Variants in EMG1 observed in about 807,000 individuals in gnomAD.
The protein encoded by EMG1 is EMG1 N1-specific pseudouridine methyltransferase.
Under a neutral mutation model 26.9 loss-of-function variants are expected in EMG1, and 24 were observed. That is an observed-to-expected ratio of 0.89 (90% CI 0.65 to 1.26). EMG1 has a LOEUF of 1.26. EMG1 is among the 50% of genes most tolerant of loss of function. The pLI is 0.00. For synonymous variants in EMG1, 140 were observed against 112.6 expected, an observed-to-expected ratio of 1.24 and a Z score of -1.54; for missense variants, 299 against 307.6, an observed-to-expected ratio of 0.97 and a Z score of 0.21.
Position 6,972,507 on chromosome 12 carries a change from A to G in EMG1, c.168+1416A>G, listed in dbSNP as rs77048088. 9.4e-3 allele frequency among the ~76,000 whole-genome samples: 1,427 copies of G among 152,256 alleles called. 17 individuals are homozygous for G. Among genetic ancestry groups the G allele is most frequent in the African/African-American group, 0.033 (1,356 of 41,508 alleles). On this transcript the variant is annotated intron_variant, in intron 1 of 5. Transcript: ENST00000599672. ...AACCTTCCAAAACTTGTATTTGTAT[A>G]TAACAGTTTGTTTTTAGACTTTTTA...
At chr12:6,982,711 T>C (rs150951513), downstream of EMG1, 111 of 1,614,006 alleles carry the variant, frequency 6.9e-5, no homozygotes, top group East Asian at 6.7e-4. Flanking sequence ...ACGGCAGTGA[T>C]GGTGCGGCCC....
At chr12:6,993,526 T>C (rs782115501) in intron 7 of EMG1, among the ~76,000 whole-genome samples, 3 of 152,204 alleles carry the variant, frequency 2.0e-5, no homozygotes, top group Non-Finnish European at 4.4e-5. Flanking sequence ...CCATACATGT[T>C]GGCAGTCATT....
intron 7 of EMG1, chr12:6,997,094 G>A (rs1362616224): frequency 6.6e-6 from 1 of 152,174 alleles, no homozygotes; most frequent in East Asian, 1.9e-4. Context: ...TGGTCTTCAG[G>A]TCTTCAAACC....
chr12:6,982,966 A>G (rs782044203), downstream of EMG1: 86 of 669,800 alleles, frequency 1.3e-4, no homozygotes, highest in African/African-American at 1.5e-3. Context: ...TTAGGGTGTT[A>G]TTTTATTTCT....
In EMG1 at chr12:6,979,509, G is replaced by A. The variant is rs1555153788; in HGVS notation, c.*3700G>A. On this transcript the variant is annotated 3_prime_UTR_variant, in exon 6 of 6. Transcript: ENST00000599672. ...GTGAGGAGATAGTCTTCTGTGATGT[G>A]GGGGCTGAGCAGTGTGTAGCCCACT... is the stretch of plus-strand genomic sequence containing the variant. The A allele has an allele frequency of 6.2e-7, 1 of 1,613,936 alleles. No homozygotes were observed. The highest frequency in any genetic ancestry group is 8.5e-7 in the Non-Finnish European group (1 of 1,179,812).
intron 4 of EMG1, 25 bp from the exon 5 acceptor site, chr12:6,975,204 G>C (rs1207705908): frequency 6.2e-7 from 1 of 1,613,870 alleles, no homozygotes; most frequent in Non-Finnish European, 8.5e-7. Flanking sequence ...TTCTGGGGCT[G>C]ACTTTTCTCT....
chr12:6,978,917 A>T lies in EMG1; in HGVS notation c.*3108A>T. ...TCCCTTGGAGAGCCTCAAGGGCAGC[A>T]CTGTATTTAACTTCTCTACTGTTTG... On this transcript the variant is annotated 3_prime_UTR_variant, in exon 6 of 6. Transcript: ENST00000599672. 1 of 552,842 alleles carries T rather than the reference A, an allele frequency of 1.8e-6. No individual in the cohort carries two copies. The highest frequency in any genetic ancestry group is 3.1e-6 in the Non-Finnish European group (1 of 319,320). The allele number at this position is 552,842 out of a possible 1,614,324, so 34.2% of individuals were successfully genotyped here.
chr12:6,970,964 G>T lies in EMG1; in HGVS notation c.41G>T (p.Ser14Ile). Residue 14 changes from serine (S) to isoleucine (I), a missense_variant, in exon 1 of 6, where the codon AGC becomes ATC. Transcript: ENST00000599672. The stretch of plus-strand genomic sequence containing the variant: ...GATGGATTCAAGCCTCGTGAACGAA[G>T]CGGTGGGGAGCAGGCACAGGACTGG... Reference protein sequence around the residue: ...PSDGFKPRERSGGEQAQDWDA... With the variant: ...PSDGFKPRERIGGEQAQDWDA... The T allele has an allele frequency of 1.2e-6, 2 of 1,613,056 alleles. No individual in the cohort carries two copies. The highest frequency in any genetic ancestry group is 1.1e-5 in the South Asian group (1 of 90,858).
rs56951656 is a variant in EMG1 at position 6,987,111 on chromosome 12, C to CAAA, written c.*155-663_*155-661dup. ...TTGGGCAACGAGCAAGATTCTGTCT[C>CAAA]AAAAAAAAAAGAAAAAAAAGTTTTA... On this transcript the variant is annotated intron_variant and NMD_transcript_variant, in intron 6 of 7. Coordinates refer to the EMG1 transcript ENST00000261406. The surrounding 1 kb of genome is among the most constrained non-coding windows in gnomAD (Gnocchi z 4.1). 2.1e-5 allele frequency among the ~76,000 whole-genome samples: 3 copies of CAAA among 145,128 alleles called. No homozygotes were observed. The highest frequency in any genetic ancestry group is 4.0e-4 in the East Asian group (2 of 4,954).
At chr12:6,986,477 T>C (rs1397683950) in intron 6 of EMG1, among the ~76,000 whole-genome samples, 2 of 152,168 alleles carry the variant, frequency 1.3e-5, no homozygotes, top group African/African-American at 4.8e-5. Context: ...AGTAGTTAAG[T>C]TTTTGGAGAG....
chr12:6,973,907 G>C (rs1455694322), intron 1 of EMG1, among the ~76,000 whole-genome samples: 3 of 152,230 alleles, frequency 2.0e-5, no homozygotes, highest in Non-Finnish European at 4.4e-5. Context: ...CAAACTGAGG[G>C]TGGTGACTCG....
intron 7 of EMG1, among the ~76,000 whole-genome samples, chr12:6,996,910 T>G (rs1201495660): frequency 6.6e-6 from 1 of 152,092 alleles, no homozygotes; most frequent in Non-Finnish European, 1.5e-5. Context: ...GCATGGGGCA[T>G]TCACTCCAAG....
downstream of EMG1, chr12:6,980,941 G>T (rs781873384): frequency 3.5e-5 from 52 of 1,470,486 alleles, no homozygotes; most frequent in Non-Finnish European, 4.7e-5. Flanking sequence ...GCAGCTTTCA[G>T]AAGAGTCACT....
chr12:6,990,895 C>A (rs1295246125), downstream of EMG1, among the ~76,000 whole-genome samples: 8 of 108,222 alleles, frequency 7.4e-5, no homozygotes, highest in African/African-American at 1.2e-4. Context: ...CCAGACTAGG[C>A]AACAGAGCGA....
downstream of EMG1, among the ~76,000 whole-genome samples, chr12:6,982,440 G>C (rs920311352): frequency 6.6e-6 from 1 of 152,240 alleles, no homozygotes; most frequent in Non-Finnish European, 1.5e-5. Context: ...TAATGGCACA[G>C]TATGCAAAGG....
chr12:6,981,043 T>C, downstream of EMG1: 1 of 1,610,642 alleles, frequency 6.2e-7, no homozygotes, highest in Non-Finnish European at 8.5e-7. Context: ...CAGCTCTCCC[T>C]GCACCAGCTT....
Position 6,977,102 on chromosome 12 carries a change from G to A in EMG1, c.*1293G>A, listed in dbSNP as rs782665704. The A allele has an allele frequency of 7.9e-7, 1 of 1,272,882 alleles. No individual in the cohort carries two copies. Among genetic ancestry groups the A allele is most frequent in the African/African-American group, 1.5e-5 (1 of 68,076 alleles). The allele number at this position is 1,272,882 out of a possible 1,614,324, so 78.8% of individuals were successfully genotyped here. Reference sequence around the variant, plus strand: ...GTCTGTTGCTCTATTCTGTAACCTGGTGGTAGTTTTAGTTTAGCTGTATTA... The same window carrying A: ...GTCTGTTGCTCTATTCTGTAACCTGATGGTAGTTTTAGTTTAGCTGTATTA... On this transcript the variant is annotated 3_prime_UTR_variant, in exon 6 of 6. Coordinates refer to ENST00000599672, the MANE Select transcript of EMG1 (RefSeq NM_006331.8). This position sits in a 1 kb window ranked among gnomAD's most constrained non-coding sequence, Gnocchi z 4.5.
downstream of EMG1, among the ~76,000 whole-genome samples, chr12:6,991,739 T>C (rs1368159384): frequency 6.6e-6 from 1 of 152,212 alleles, no homozygotes; most frequent in Non-Finnish European, 1.5e-5. Context: ...TTGTCTATCA[T>C]TCTTTCAAGT....
At chr12:6,975,599 C>G in intron 5 of EMG1, 97 bp from the exon 6 acceptor site, 1 of 1,009,598 alleles carries the variant, frequency 9.9e-7, no homozygotes, top group Non-Finnish European at 1.6e-6. Context: ...AACAGCACAG[C>G]TGAAATACTA....
Sources: gnomAD v4.1 joint callset for allele counts (sites outside exome capture counted in the v4.1 genomes callset) on GRCh38, gnomAD v4.1.1 for gene constraint, Gnocchi (gnomAD v3.1) non-coding constraint, MANE v1.5 for transcripts, NCBI Gene and HGNC (gene_info 2026-07-23, HGNC 2026-07-21) for gene names.